Variants in DNAJC1 observed in about 807,000 individuals in gnomAD.
The protein encoded by DNAJC1 is DnaJ heat shock protein family (Hsp40) member C1, also known as dnaJ homolog subfamily C member 1.
Under a neutral mutation model 76.6 loss-of-function variants are expected in DNAJC1, and 58 were observed. The ratio of observed to expected loss-of-function variants is 0.76; its 90% CI spans 0.61 to 0.94. The LOEUF (loss-of-function observed/expected upper bound fraction) is 0.94. Among genes scored for constraint, DNAJC1 ranks in the 40% least tolerant of loss-of-function variants. DNAJC1 has a pLI of 0.00. For missense variants in DNAJC1, 689 were observed against 677.3 expected (o/e 1.02, Z -0.19); for synonymous variants, 258 against 267.9 (o/e 0.96, Z 0.36).
At chr10:21,918,251 A>G (rs1836985825) in intron 6 of DNAJC1, among the ~76,000 whole-genome samples, 1 of 151,906 alleles carries the variant, frequency 6.6e-6, no homozygotes, top group Non-Finnish European at 1.5e-5. Flanking sequence ...TTATTTAATC[A>G]AGACTAAATA....
intron 9 of DNAJC1, among the ~76,000 whole-genome samples, chr10:21,790,925 C>G (rs1299624137): frequency 6.6e-6 from 1 of 151,948 alleles, no homozygotes; most frequent in Non-Finnish European, 1.5e-5. Flanking sequence ...AAGATATAGA[C>G]TGGCAAAATA....
At chr10:21,965,078 T>C (rs1837869186) in intron 1 of DNAJC1, among the ~76,000 whole-genome samples, 1 of 152,158 alleles carries the variant, frequency 6.6e-6, no homozygotes, top group Non-Finnish European at 1.5e-5. Flanking sequence ...TCTTAGTTCT[T>C]ACTATTAATA....
At chr10:21,989,094 C>G (rs1464788433) in intron 1 of DNAJC1, among the ~76,000 whole-genome samples, 4 of 152,192 alleles carry the variant, frequency 2.6e-5, no homozygotes, top group Non-Finnish European at 4.4e-5. Flanking sequence ...TAGAAAGGAA[C>G]AGGGATGGAA....
intron 3 of DNAJC1, among the ~76,000 whole-genome samples, chr10:21,926,206 C>G (rs1837126089): frequency 6.6e-6 from 1 of 151,902 alleles, no homozygotes; most frequent in South Asian, 2.1e-4. Context: ...CCCTCCTCAG[C>G]CTCCCAAAGT....
At chr10:21,938,947 G>C (rs1313288384) in intron 1 of DNAJC1, among the ~76,000 whole-genome samples, 1 of 152,202 alleles carries the variant, frequency 6.6e-6, no homozygotes, top group African/African-American at 2.4e-5. Flanking sequence ...CTGGAGTGCA[G>C]TCGTGTGACC....
intron 6 of DNAJC1, among the ~76,000 whole-genome samples, chr10:21,914,638 C>G (rs755834166): frequency 3.9e-5 from 6 of 151,986 alleles, no homozygotes; most frequent in Non-Finnish European, 7.4e-5. Flanking sequence ...ATCTACAGAC[C>G]TGGAATACAG....
intron 8 of DNAJC1, among the ~76,000 whole-genome samples, chr10:21,838,359 C>G (rs1450440712): frequency 6.6e-6 from 1 of 152,104 alleles, no homozygotes; most frequent in African/African-American, 2.4e-5. Context: ...GTGCTGTGTC[C>G]ACTCAGGGTT....
At chr10:21,900,481 C>T (rs1476200860) in intron 7 of DNAJC1, among the ~76,000 whole-genome samples, 1 of 152,004 alleles carries the variant, frequency 6.6e-6, no homozygotes, top group African/African-American at 2.4e-5. Flanking sequence ...TATATTTGTA[C>T]ATACACAGCA....
At chr10:21,894,879 C>T (rs2131734839) in intron 7 of DNAJC1, among the ~76,000 whole-genome samples, 1 of 152,286 alleles carries the variant, frequency 6.6e-6, no homozygotes, top group Non-Finnish European at 1.5e-5. Context: ...ATTCATCTCC[C>T]CTAGAGGATG....
At chr10:21,766,140 C>A in intron 10 of DNAJC1, 121 bp downstream of exon 10, 1 of 773,404 alleles carries the variant, frequency 1.3e-6, no homozygotes, top group South Asian at 1.6e-5. Flanking sequence ...GAGATATGAC[C>A]AGATTTAGAG....
chr10:21,809,701 CT>C (rs1306961969), intron 8 of DNAJC1, among the ~76,000 whole-genome samples: 1 of 152,142 alleles, frequency 6.6e-6, no homozygotes, highest in South Asian at 2.1e-4. Flanking sequence ...TCTATAAACA[CT>C]TTTAGTGCAT....
intron 6 of DNAJC1, among the ~76,000 whole-genome samples, chr10:21,912,023 TG>T (rs1205645499): frequency 6.6e-6 from 1 of 152,180 alleles, no homozygotes; most frequent in African/African-American, 2.4e-5. Context: ...CTCCTTATGA[TG>T]GGCTTATCAG....
At chr10:21,837,789 C>G (rs1387160050) in intron 8 of DNAJC1, among the ~76,000 whole-genome samples, 1 of 147,756 alleles carries the variant, frequency 6.8e-6, no homozygotes, top group African/African-American at 2.5e-5. Context: ...TAGGGGGCAG[C>G]CCCCGCCCGG....
rs574066792 is a variant in DNAJC1 at position 21,801,572 on chromosome 10, T to C, written c.1098+4408A>G. 5.3e-4 allele frequency among the ~76,000 whole-genome samples: 80 copies of C among 152,300 alleles called. No homozygotes were observed. In the South Asian group the frequency reaches 9.1e-3, roughly 17 times the overall value. On this transcript the variant is annotated intron_variant, in intron 9 of 11. Coordinates refer to ENST00000376980, the MANE Select transcript of DNAJC1 (RefSeq NM_022365.4). ...AGTTCAACCATTGTGGAAAGCAGTA[T>C]GGCGATTCCTCAAAGAGCTAAAAGC...
In DNAJC1 at chr10:21,929,107, C is replaced by T. The variant is rs61758423; in HGVS notation, c.257G>A (p.Arg86His). 6 of 1,612,184 alleles carry T rather than the reference C, an allele frequency of 3.7e-6. No individual in the cohort carries two copies. Among genetic ancestry groups the T allele is most frequent in the Middle Eastern group, 1.6e-4 (1 of 6,082 alleles). ...TGGATGTAAAGTTAGTGAAAGCTTA[C>T]GATATGCTTTTCTGATGTCTGCAGA... is the stretch of plus-strand genomic sequence containing the variant. ...ASSADIRKAY[R>H]KLSLTLHPDK... Residue 86 changes from arginine to histidine, a missense_variant, in exon 2 of 12, where the codon CGT becomes CAT. Physicochemically the swap from Arg to His is conservative, Grantham distance 29. Coordinates refer to ENST00000376980, the MANE Select transcript of DNAJC1 (RefSeq NM_022365.4).
In DNAJC1 at chr10:21,811,341, T is replaced by G. The variant is rs567105076; in HGVS notation, c.979-5242A>C. Among the ~76,000 whole-genome samples the G allele has an allele frequency of 2.6e-5, 4 of 152,334 alleles. No individual in the cohort carries two copies. In the East Asian group the frequency reaches 5.8e-4, roughly 22 times the overall value. ...AGGAAACATACTTCTCATTACAAAT[T>G]GTATTAAGCCCATATATGTTGTTAC... On this transcript the variant is annotated intron_variant, in intron 8 of 11. Transcript: ENST00000376980.
chr10:21,783,129 C>T (rs561988545), intron 9 of DNAJC1, among the ~76,000 whole-genome samples: 1 of 152,290 alleles, frequency 6.6e-6, no homozygotes, highest in Admixed American at 6.5e-5. Flanking sequence ...TTGTAGATGA[C>T]ATGATTGTAT....
At chr10:21,925,899 T>G (rs1279962595) in intron 3 of DNAJC1, among the ~76,000 whole-genome samples, 4 of 152,240 alleles carry the variant, frequency 2.6e-5, no homozygotes, top group Admixed American at 2.6e-4. Context: ...AGCACTTAAC[T>G]GTACACTTAA....
chr10:21,758,596 T>C (rs889599637), intron 11 of DNAJC1, among the ~76,000 whole-genome samples: 1 of 152,250 alleles, frequency 6.6e-6, no homozygotes, highest in African/African-American at 2.4e-5. Flanking sequence ...CGCCTGGCAC[T>C]GACCACATAC....
Sources: gnomAD v4.1 joint callset for allele counts (sites outside exome capture counted in the v4.1 genomes callset) on GRCh38, gnomAD v4.1.1 for gene constraint, MANE v1.5 for transcripts, NCBI Gene and HGNC (gene_info 2026-07-23, HGNC 2026-07-21) for gene names.